HS3ST5: variants seen among roughly 807,000 people sequenced by gnomAD.
HS3ST5 encodes heparan sulfate glucosamine 3-O-sulfotransferase 5.
In HS3ST5, 10 loss-of-function variants were observed where a neutral mutation model predicts 25.4. The ratio of observed to expected loss-of-function variants is 0.39; its 90% CI spans 0.24 to 0.67. The LOEUF (loss-of-function observed/expected upper bound fraction) is 0.67, where lower values mean the gene tolerates loss of function less well. HS3ST5 is among the 30% of genes least tolerant of loss of function. HS3ST5 has a pLI of 0.44. For missense variants in HS3ST5, 324 were observed against 420.7 expected (o/e 0.77, Z 2.01); for synonymous variants, 170 against 162.4 (o/e 1.05, Z -0.36).
At chr6:114,201,206 A>G (rs980140641) in intron 2 of HS3ST5, among the ~76,000 whole-genome samples, 4 of 152,114 alleles carry the variant, frequency 2.6e-5, no homozygotes, top group Admixed American at 1.3e-4. Flanking sequence ...TATCTCCTCT[A>G]TTTCACTTGA....
At position 114,204,042 on chromosome 6, in the gene HS3ST5, G is replaced by A. The variant is rs543524843; in HGVS notation, c.-145+24543C>T. Among the ~76,000 whole-genome samples, 24 of 152,304 alleles carry A rather than the reference G, an allele frequency of 1.6e-4. 2 individuals carry two copies. The South Asian group carries it at 5.0e-3, about 32-fold the overall frequency. Reference sequence around the variant, plus strand: ...CGTGTATACCATCCTGGCAAAATAGGTTATGGCCATGGAGAGAAGAGGAAT... The same window carrying A: ...CGTGTATACCATCCTGGCAAAATAGATTATGGCCATGGAGAGAAGAGGAAT... On this transcript the variant is annotated intron_variant, in intron 2 of 4. Coordinates refer to ENST00000312719, the MANE Select transcript of HS3ST5 (RefSeq NM_153612.4).
chr6:114,155,278 C>T (rs1160456322), intron 3 of HS3ST5, among the ~76,000 whole-genome samples: 3 of 151,554 alleles, frequency 2.0e-5, no homozygotes, highest in African/African-American at 7.3e-5. Flanking sequence ...TTTAAGTGGC[C>T]TGTAGAGATA....
At chr6:114,262,472 A>G (rs556590696) in intron 1 of HS3ST5, among the ~76,000 whole-genome samples, 27 of 152,092 alleles carry the variant, frequency 1.8e-4, no homozygotes, top group South Asian at 1.7e-3. Flanking sequence ...GCGTGAACCC[A>G]GGAGGTGGAG....
At chr6:114,085,194 C>A (rs991953297) in intron 3 of HS3ST5, among the ~76,000 whole-genome samples, 11 of 152,252 alleles carry the variant, frequency 7.2e-5, no homozygotes, top group Admixed American at 4.6e-4. Context: ...TGCCTTACTT[C>A]TTTTACTGTT....
chr6:114,240,142 G>A (rs1179004029), intron 1 of HS3ST5, among the ~76,000 whole-genome samples: 15 of 152,088 alleles, frequency 9.9e-5, no homozygotes, highest in African/African-American at 2.7e-4. Flanking sequence ...CTGTCTCTGA[G>A]TTAATGATGA....
intron 2 of HS3ST5, among the ~76,000 whole-genome samples, chr6:114,217,365 A>T (rs1247941955): frequency 6.6e-5 from 10 of 152,192 alleles, no homozygotes; most frequent in Non-Finnish European, 1.5e-4. Flanking sequence ...CTATTAAACA[A>T]TCTCACTTGA....
chr6:114,282,788 T>C (rs1401655688), intron 1 of HS3ST5, among the ~76,000 whole-genome samples: 2 of 152,054 alleles, frequency 1.3e-5, no homozygotes, highest in Admixed American at 6.6e-5. Context: ...AGCTTTTACA[T>C]AGCTAGACAA....
At chr6:114,090,691 G>A (rs1213854782) in intron 3 of HS3ST5, among the ~76,000 whole-genome samples, 6 of 152,118 alleles carry the variant, frequency 3.9e-5, no homozygotes, top group South Asian at 2.1e-4. Flanking sequence ...AAATGCCAAC[G>A]AAATAAAGTG....
chr6:114,283,039 G>C (rs1367189709), intron 1 of HS3ST5, among the ~76,000 whole-genome samples: 1 of 151,882 alleles, frequency 6.6e-6, no homozygotes, highest in Non-Finnish European at 1.5e-5. Flanking sequence ...ATCAATAAGA[G>C]AATTCTTGAT....
intron 2 of HS3ST5, among the ~76,000 whole-genome samples, chr6:114,183,476 T>C (rs1358154745): frequency 3.3e-5 from 5 of 152,224 alleles, no homozygotes; most frequent in African/African-American, 7.2e-5. Flanking sequence ...CAGTCTCAGG[T>C]ATGTCTTTAT....
Position 114,085,943 on chromosome 6 carries a change from C to CCT in HS3ST5, c.-32-23067_-32-23066insAG, listed in dbSNP as rs1404687706. On this transcript the variant is annotated intron_variant, in intron 3 of 4. Coordinates refer to ENST00000312719, the MANE Select transcript of HS3ST5 (RefSeq NM_153612.4). ...TTCATATAAATTCATTGCCCCCCCCCCCATTTAATCAGCCACTTAGAGGAA... is the reference window on the plus strand; with the variant it reads ...TTCATATAAATTCATTGCCCCCCCCCCTCCATTTAATCAGCCACTTAGAGGAA... 5.2e-5 allele frequency among the ~76,000 whole-genome samples: 7 copies of CCT among 135,698 alleles called. No individual in the cohort carries two copies. The Admixed American group carries it at 5.2e-4, about 10-fold the overall frequency. 89.0% of individuals were successfully genotyped at this position (135,698 alleles called of 152,430 possible). A position where few individuals can be genotyped will look rare whatever the true frequency, so the allele number is the denominator to read the frequency against.
chr6:114,131,454 A>C (rs1011792301), intron 3 of HS3ST5, among the ~76,000 whole-genome samples: 2 of 152,226 alleles, frequency 1.3e-5, no homozygotes, highest in Admixed American at 6.5e-5. Context: ...AGTTTTTCAC[A>C]GTGTAAAAAT....
chr6:114,248,062 T>C (rs952657758), intron 1 of HS3ST5, among the ~76,000 whole-genome samples: 2 of 151,304 alleles, frequency 1.3e-5, no homozygotes, highest in Non-Finnish European at 2.9e-5. Context: ...TAGCCAGGCA[T>C]GGTGGTGCAT....
At chr6:114,229,287 G>A (rs183386164) in intron 1 of HS3ST5, among the ~76,000 whole-genome samples, 148 of 152,232 alleles carry the variant, frequency 9.7e-4, no homozygotes, top group African/African-American at 3.5e-3. Flanking sequence ...TTGCCTATTC[G>A]GGAAAACCAA....
intron 3 of HS3ST5, among the ~76,000 whole-genome samples, chr6:114,133,714 G>A (rs1391384781): frequency 6.6e-6 from 1 of 152,208 alleles, no homozygotes; most frequent in Non-Finnish European, 1.5e-5. Context: ...GGGGGCAAGA[G>A]CTACATGCAC....
At chr6:114,137,549 C>T (rs980199295) in intron 3 of HS3ST5, among the ~76,000 whole-genome samples, 1 of 152,076 alleles carries the variant, frequency 6.6e-6, no homozygotes, top group Non-Finnish European at 1.5e-5. Flanking sequence ...AAAACAGTGG[C>T]AGAAAATAAG....
At chr6:114,088,969 C>T (rs1366198688) in intron 3 of HS3ST5, 2 of 152,234 alleles carry the variant, frequency 1.3e-5, no homozygotes, top group East Asian at 3.8e-4. Flanking sequence ...AGTTAAGAGA[C>T]CCCTGCTAGA....
At chr6:114,132,931 GT>G (rs1298812113) in intron 3 of HS3ST5, among the ~76,000 whole-genome samples, 1 of 152,114 alleles carries the variant, frequency 6.6e-6, no homozygotes. Context: ...CATTTTCATT[GT>G]TCTGTCCTCC....
chr6:114,062,690 A>AC (rs1246134447), intron 4 of HS3ST5, 49 bp downstream of exon 4: 14 of 1,213,578 alleles, frequency 1.2e-5, no homozygotes, highest in Non-Finnish European at 1.6e-5. Flanking sequence ...GGAAGTTTAA[A>AC]TCAAGCCTTA....
Sources: gnomAD v4.1 joint callset for allele counts (sites outside exome capture counted in the v4.1 genomes callset) on GRCh38, gnomAD v4.1.1 for gene constraint, MANE v1.5 for transcripts, NCBI Gene and HGNC (gene_info 2026-07-23, HGNC 2026-07-21) for gene names.